Variants in ZNF469 observed in about 807,000 individuals in gnomAD.
ZNF469 encodes the protein zinc finger protein 469.
ZNF469 carries 1 observed loss-of-function variant against 1.0 expected under a neutral mutation model. That is an observed-to-expected ratio of 1.00 (90% CI 0.35 to 4.73). The LOEUF (loss-of-function observed/expected upper bound fraction) is 4.73, where lower values mean the gene tolerates loss of function less well. Among genes scored for constraint, ZNF469 ranks in the 30% most tolerant of loss-of-function variants. ZNF469 has a pLI of 0.16. For missense variants in ZNF469, 6,100 were observed against 5,356.3 expected (o/e 1.14, Z -4.33); for synonymous variants, 2,703 against 2,363.4 (o/e 1.14, Z -4.17).
the ZNF469 span, among the ~76,000 whole-genome samples, chr16:88,286,286 G>C: frequency 1.3e-5 from 2 of 152,230 alleles, no homozygotes; most frequent in Non-Finnish European, 2.9e-5. Context: ...GCAGCTAACT[G>C]TGCAACAAGA....
At chr16:88,308,352 G>C in the ZNF469 span, among the ~76,000 whole-genome samples, 33 of 152,318 alleles carry the variant, frequency 2.2e-4, no homozygotes, top group Non-Finnish European at 4.1e-4. Flanking sequence ...CTGCTTGTCA[G>C]TTTTGGCAAG....
chr16:88,135,942 G>A, the ZNF469 span, among the ~76,000 whole-genome samples: 4 of 151,796 alleles, frequency 2.6e-5, no homozygotes, highest in Non-Finnish European at 4.4e-5. Context: ...TTGTATTTTA[G>A]TAGAGACGGG....
chr16:88,160,094 T>G, the ZNF469 span, among the ~76,000 whole-genome samples: 3 of 152,232 alleles, frequency 2.0e-5, no homozygotes, highest in Non-Finnish European at 2.9e-5. Context: ...ATCCTACCTA[T>G]GCAGCTTTCA....
the ZNF469 span, among the ~76,000 whole-genome samples, chr16:88,165,839 C>T: frequency 6.6e-6 from 1 of 152,190 alleles, no homozygotes; most frequent in African/African-American, 2.4e-5. Context: ...CTGATGCCTC[C>T]AGGAACCTCG....
At chr16:88,266,838 G>A in the ZNF469 span, among the ~76,000 whole-genome samples, 3 of 152,198 alleles carry the variant, frequency 2.0e-5, no homozygotes, top group African/African-American at 4.8e-5. Flanking sequence ...GAGCAGTGTC[G>A]TGCCCTGAGT....
the ZNF469 span, among the ~76,000 whole-genome samples, chr16:88,242,547 C>G: frequency 6.6e-6 from 1 of 152,242 alleles, no homozygotes; most frequent in Non-Finnish European, 1.5e-5. Flanking sequence ...CTCTCTAAGC[C>G]TGTCTCCAAA....
At chr16:88,117,218 C>A in the ZNF469 span, among the ~76,000 whole-genome samples, 1 of 149,352 alleles carries the variant, frequency 6.7e-6, no homozygotes, top group Non-Finnish European at 1.5e-5. Flanking sequence ...CACGTGAGAG[C>A]TGGGGTCGTG....
the ZNF469 span, among the ~76,000 whole-genome samples, chr16:88,350,965 G>C: frequency 1.2e-4 from 19 of 152,368 alleles, no homozygotes; most frequent in South Asian, 3.7e-3. Flanking sequence ...CAGAACTGTG[G>C]AGGAATAAAT....
At chr16:88,109,076 C>A in the ZNF469 span, among the ~76,000 whole-genome samples, 53 of 152,302 alleles carry the variant, frequency 3.5e-4, no homozygotes, top group African/African-American at 1.3e-3. Flanking sequence ...AGAACAAATG[C>A]GCCAGCTGCC....
At chr16:88,366,477 CATG>C in the ZNF469 span, among the ~76,000 whole-genome samples, 3,466 of 144,414 alleles carry the variant, frequency 0.024, 65 homozygotes, top group African/African-American at 0.053. Flanking sequence ...CCATCATCAC[CATG>C]ATCATCATCA....
the ZNF469 span, among the ~76,000 whole-genome samples, chr16:88,323,501 C>T: frequency 9.9e-5 from 15 of 152,180 alleles, no homozygotes; most frequent in Non-Finnish European, 2.1e-4. Context: ...CAGGCCCTGG[C>T]GAAATCTCTG....
upstream of ZNF469, among the ~76,000 whole-genome samples, chr16:88,378,778 G>A (rs2092514784): frequency 1.3e-5 from 2 of 152,204 alleles, no homozygotes; most frequent in Admixed American, 1.3e-4. Context: ...CCCCTATCTA[G>A]CAAATGGGAT....
chr16:88,309,278 C>T, the ZNF469 span, among the ~76,000 whole-genome samples: 3 of 152,216 alleles, frequency 2.0e-5, no homozygotes, highest in East Asian at 1.9e-4. Flanking sequence ...GGTGGGACAG[C>T]GGTGACCTGT....
chr16:88,419,194 A>G (rs1378721125), intron 1 of ZNF469, among the ~76,000 whole-genome samples: 3 of 152,214 alleles, frequency 2.0e-5, no homozygotes, highest in African/African-American at 7.2e-5. Context: ...GGGAGAGGCT[A>G]GCTGGCTTCA....
chr16:88,386,030 C>T (rs995330991), intron 1 of ZNF469, among the ~76,000 whole-genome samples: 14 of 152,172 alleles, frequency 9.2e-5, no homozygotes, highest in African/African-American at 3.4e-4. Context: ...CAGATGGAGG[C>T]CGCCATAGGG....
chr16:88,219,489 G>A, the ZNF469 span, among the ~76,000 whole-genome samples: 2 of 144,414 alleles, frequency 1.4e-5, no homozygotes, highest in Admixed American at 1.4e-4. Flanking sequence ...TCTGATCTTT[G>A]ACAAACCTGA....
At chr16:88,165,575 T>C in the ZNF469 span, among the ~76,000 whole-genome samples, 2 of 152,236 alleles carry the variant, frequency 1.3e-5, no homozygotes, top group Non-Finnish European at 2.9e-5. Context: ...GCCCTCTCTG[T>C]GGGCCAGGGC....
chr16:88,183,812 G>C, the ZNF469 span, among the ~76,000 whole-genome samples: 1 of 152,226 alleles, frequency 6.6e-6, no homozygotes, highest in Non-Finnish European at 1.5e-5. Flanking sequence ...CCGGCCACAG[G>C]AGGGGGCGCA....
chr16:88,104,035 G>C, the ZNF469 span, among the ~76,000 whole-genome samples: 681 of 152,136 alleles, frequency 4.5e-3, 4 homozygotes, highest in African/African-American at 0.015. Context: ...TGCGTCTGCT[G>C]TGCCCCAGGT....
Sources: gnomAD v4.1 joint callset for allele counts (sites outside exome capture counted in the v4.1 genomes callset) on GRCh38, gnomAD v4.1.1 for gene constraint, MANE v1.5 for transcripts, NCBI Gene and HGNC (gene_info 2026-07-23, HGNC 2026-07-21) for gene names.